Variants in RHOBTB2 observed in about 807,000 individuals in gnomAD.
RHOBTB2 encodes the protein rho-related BTB domain-containing protein 2.
A neutral mutation model predicts 66.5 loss-of-function variants in RHOBTB2; 39 were observed. The ratio of observed to expected loss-of-function variants is 0.59; its 90% confidence interval spans 0.45 to 0.77. The LOEUF is 0.77. RHOBTB2 is among the 30% of genes least tolerant of loss of function. The pLI, the probability that RHOBTB2 is intolerant of heterozygous loss-of-function variation, is 0.00. For synonymous variants in RHOBTB2, 390 were observed against 395.0 expected (o/e 0.99, Z 0.15); for missense variants, 755 against 999.1 (o/e 0.76, Z 3.29).
At chr8:23,005,555 G>T in intron 3 of RHOBTB2, 80 bp downstream of exon 3, 1 of 975,132 alleles carries the variant, frequency 1.0e-6, no homozygotes, top group South Asian at 1.3e-5. Flanking sequence ...AAGCACCTCT[G>T]TGAAATTTCA....
At chr8:23,014,481 C>T (rs765041259) in intron 7 of RHOBTB2, among the ~76,000 whole-genome samples, 14 of 152,240 alleles carry the variant, frequency 9.2e-5, no homozygotes, top group Non-Finnish European at 2.1e-4. Flanking sequence ...TCCTCCTTCT[C>T]TTCCTACCCT....
chr8:22,966,926 G>C, the RHOBTB2 span, among the ~76,000 whole-genome samples: 1 of 152,102 alleles, frequency 6.6e-6, no homozygotes, highest in Admixed American at 6.6e-5. Flanking sequence ...AGGATGTAGA[G>C]ACATTAAAAT....
intron 2 of RHOBTB2, among the ~76,000 whole-genome samples, chr8:22,993,613 T>C (rs527604654): frequency 6.6e-6 from 1 of 152,322 alleles, no homozygotes; most frequent in East Asian, 1.9e-4. Flanking sequence ...TTGCTCAAAG[T>C]CACACAGCCA....
At chr8:22,960,477 C>A in the RHOBTB2 span, among the ~76,000 whole-genome samples, 1 of 151,900 alleles carries the variant, frequency 6.6e-6, no homozygotes, top group Non-Finnish European at 1.5e-5. Context: ...CACCACCACG[C>A]CCGGCTAATT....
At chr8:22,995,315 C>T (rs997048796), upstream of RHOBTB2, among the ~76,000 whole-genome samples, 2 of 152,122 alleles carry the variant, frequency 1.3e-5, no homozygotes, top group Non-Finnish European at 2.9e-5. Flanking sequence ...CTGGCTCTTA[C>T]GAAAGCTCCC....
At chr8:23,008,955 C>G (rs1330590759) in intron 6 of RHOBTB2, among the ~76,000 whole-genome samples, 5 of 152,024 alleles carry the variant, frequency 3.3e-5, no homozygotes, top group Admixed American at 3.3e-4. Flanking sequence ...CCTTCACTAT[C>G]CCTAGGACTT....
At chr8:22,956,700 T>C in the RHOBTB2 span, among the ~76,000 whole-genome samples, 2 of 152,232 alleles carry the variant, frequency 1.3e-5, no homozygotes, top group African/African-American at 4.8e-5. Flanking sequence ...TTGCTCTTGT[T>C]GCCCAAGCTG....
In RHOBTB2 at chr8:23,017,586, C is replaced by A; in HGVS notation, c.*117C>A. On this transcript the variant is annotated 3_prime_UTR_variant, in exon 10 of 10. Transcript: ENST00000251822. This position sits in a 1 kb window ranked among gnomAD's most constrained non-coding sequence, Gnocchi z 5.3. ...ACCAGGGGGCCCACGTAACCAGGAC[C>A]CAGAGGGTGGAGCTCTTCTTACCAG... 1 of 1,458,302 alleles carries A rather than the reference C, an allele frequency of 6.9e-7. No homozygotes were observed. Among genetic ancestry groups the A allele is most frequent in the South Asian group, 1.4e-5 (1 of 73,956 alleles). The allele number at this position is 1,458,302 out of a possible 1,614,324, so 90.3% of individuals were successfully genotyped here. A position where few individuals can be genotyped will look rare whatever the true frequency, so the allele number is the denominator to read the frequency against.
chr8:23,014,965 C>A (rs1252854901), intron 8 of RHOBTB2, among the ~76,000 whole-genome samples, 187 bp downstream of exon 8: 2 of 152,094 alleles, frequency 1.3e-5, no homozygotes, highest in East Asian at 3.9e-4. Context: ...CCCTGGTGTA[C>A]CCGGAGGGGA....
intron 3 of RHOBTB2, 90 bp downstream of exon 3, chr8:23,005,565 A>G: frequency 1.1e-6 from 1 of 912,748 alleles, no homozygotes; most frequent in Non-Finnish European, 1.8e-6. Context: ...GTGAAATTTC[A>G]GCTGGCAAGA....
intron 5 of RHOBTB2, 73 bp from the exon 6 acceptor site, chr8:23,007,920 C>T: frequency 3.3e-6 from 5 of 1,504,002 alleles, no homozygotes; most frequent in South Asian, 2.3e-5. Context: ...CAGGAGGAGG[C>T]TCCGTGGCTC....
intron 8 of RHOBTB2, 142 bp downstream of exon 8, chr8:23,014,920 TCTC>T (rs1392030366): frequency 8.7e-6 from 6 of 686,802 alleles, no homozygotes; most frequent in Non-Finnish European, 1.5e-5. Context: ...GCGTAGCCCA[TCTC>T]CTCCTCCATG....
At chr8:23,008,989 C>A (rs1409035093) in intron 6 of RHOBTB2, among the ~76,000 whole-genome samples, 4 of 151,880 alleles carry the variant, frequency 2.6e-5, no homozygotes. Context: ...GGAGGCAGTC[C>A]CTATAGGGCC....
chr8:22,996,551 GTGTGTGTGTGTGTGTGTC>G (rs1259688257), upstream of RHOBTB2, among the ~76,000 whole-genome samples: 327 of 125,418 alleles, frequency 2.6e-3, 1 homozygote, highest in Middle Eastern at 7.6e-3. Flanking sequence ...GTGTGTGTGT[GTGTGTGTGTGTGTGTGTC>G]TGTGTGTCTG....
At chr8:22,956,133 A>G in the RHOBTB2 span, among the ~76,000 whole-genome samples, 1 of 152,228 alleles carries the variant, frequency 6.6e-6, no homozygotes, top group Non-Finnish European at 1.5e-5. Flanking sequence ...TTTTCAATAT[A>G]CCTTACACCC....
rs973356485 is a variant in RHOBTB2 at position 23,019,795 on chromosome 8, C to G, written c.*2326C>G. On this transcript the variant is annotated 3_prime_UTR_variant, in exon 10 of 10. Transcript: ENST00000251822. ...CAACTTCAGGGACCCACCGCCCATT[C>G]CCCGAGAGCTGTCGGAACCAGATGC... 6.2e-6 allele frequency: 1 copy of G among 162,536 alleles called. No homozygotes were observed. The highest frequency in any genetic ancestry group is 2.4e-5 in the African/African-American group (1 of 41,498). 10.1% of individuals were successfully genotyped at this position (162,536 alleles called of 1,614,324 possible).
chr8:23,011,056 C>G (rs1019997935), intron 7 of RHOBTB2, among the ~76,000 whole-genome samples: 1 of 152,154 alleles, frequency 6.6e-6, no homozygotes, highest in Admixed American at 6.5e-5. Flanking sequence ...ATGGTCTTAC[C>G]CGTCATGGCA....
At chr8:22,974,463 A>G in the RHOBTB2 span, among the ~76,000 whole-genome samples, 4 of 152,330 alleles carry the variant, frequency 2.6e-5, no homozygotes, top group South Asian at 8.3e-4. Context: ...TGAGACAACC[A>G]GACAAGCTGG....
rs138082936 is a variant in RHOBTB2, at chr8:22,991,268, G to A, written c.-136-800G>A. Among the ~76,000 whole-genome samples, 21 of 152,284 alleles carry A rather than the reference G, an allele frequency of 1.4e-4. No homozygotes were observed. The East Asian group carries it at 3.7e-3, about 27-fold the overall frequency. On this transcript the variant is annotated intron_variant, in intron 1 of 11. Coordinates refer to the RHOBTB2 transcript ENST00000519685. The stretch of plus-strand genomic sequence containing the variant: ...CCCTCGTCCATCCAGGGCCCATCCA[G>A]CCTTGTATACTTCCCACCAGGGTCC...
Sources: allele counts gnomAD v4.1 joint callset (sites outside exome capture counted in the v4.1 genomes callset), GRCh38; gene constraint gnomAD v4.1.1; non-coding constraint Gnocchi (gnomAD v3.1); transcripts MANE v1.5; gene names NCBI Gene and HGNC (gene_info 2026-07-23, HGNC 2026-07-21).